The following SLC15A4 variants were observed in gnomAD, a reference collection of about 807,000 sequenced individuals.
The protein encoded by SLC15A4 is hPHT1.
In SLC15A4, 26 loss-of-function variants were observed where a neutral mutation model predicts 46.1. The observed-to-expected ratio is 0.56, with a 90% confidence interval of 0.41 to 0.78. SLC15A4 has a LOEUF of 0.78. Ranked by LOEUF, SLC15A4 falls within the 30% of genes least tolerant of loss-of-function variation. The pLI, the probability that SLC15A4 is intolerant of heterozygous loss-of-function variation, is 0.00. For synonymous variants in SLC15A4, 370 were observed against 333.4 expected, an observed-to-expected ratio of 1.11 and a Z score of -1.20; for missense variants, 751 against 755.7, an observed-to-expected ratio of 0.99 and a Z score of 0.07.
At position 128,823,580 on chromosome 12, in the gene SLC15A4, G is replaced by A. The variant is rs1335096302; in HGVS notation, c.364C>T (p.Leu122=). ...GCTCGCGTGGCGGGCGCGGCCAGCA[G>A]CGGGAAGGCCAGCATGCCCAGCAGG... ...LYLLGMLAFP[L]LAAPATRAAL... is the part of the protein sequence containing the mutation. Residue 122 remains leucine, a synonymous_variant, in exon 1 of 8, where the codon CTG becomes TTG. Transcript: ENST00000266771. 1.5e-5 allele frequency: 21 copies of A among 1,446,294 alleles called. No individual in the cohort carries two copies. The highest frequency in any genetic ancestry group is 1.9e-5 in the Non-Finnish European group (21 of 1,107,222). 89.6% of individuals were successfully genotyped at this position (1,446,294 alleles called of 1,614,324 possible). A position where few individuals can be genotyped will look rare whatever the true frequency, so the allele number is the denominator to read the frequency against.
At position 128,793,933 on chromosome 12, in the gene SLC15A4, T is replaced by C; in HGVS notation, c.*263A>G. The C allele has an allele frequency of 3.0e-6, 1 of 332,206 alleles. No individual in the cohort carries two copies. Among genetic ancestry groups the C allele is most frequent in the South Asian group, 1.2e-4 (1 of 8,356 alleles). The allele number at this position is 332,206 out of a possible 1,614,324, so 20.6% of individuals were successfully genotyped here. A position where few individuals can be genotyped will look rare whatever the true frequency, so the allele number is the denominator to read the frequency against. ...TAAAAAAGGGAACCCAGCTAGAGGA[T>C]TCACAGAGACCTTGAATGACAAGCG... is the stretch of plus-strand genomic sequence containing the variant. On this transcript the variant is annotated 3_prime_UTR_variant, in exon 8 of 8. Coordinates refer to ENST00000266771, the MANE Select transcript of SLC15A4 (RefSeq NM_145648.4).
chr12:128,819,750 A>T (rs530478226), intron 1 of SLC15A4: 1 of 152,252 alleles, frequency 6.6e-6, no homozygotes, highest in Non-Finnish European at 1.5e-5. Context: ...GGAAGAAGGC[A>T]CATCTCCTTT....
At chr12:128,813,562 C>T (rs183839735) in intron 2 of SLC15A4, 1 of 152,346 alleles carries the variant, frequency 6.6e-6, no homozygotes, top group Admixed American at 6.5e-5. Context: ...TTCGCTACGG[C>T]TCCAAGAGCA....
At position 128,823,882 on chromosome 12, in the gene SLC15A4, G is replaced by C. The variant is rs1296097816; in HGVS notation, c.62C>G (p.Ala21Gly). 1 of 955,730 alleles carries C rather than the reference G, an allele frequency of 1.0e-6. No homozygotes were observed. The highest frequency in any genetic ancestry group is 1.8e-5 in the African/African-American group (1 of 55,970). 59.2% of individuals were successfully genotyped at this position (955,730 alleles called of 1,614,324 possible). A position where few individuals can be genotyped will look rare whatever the true frequency, so the allele number is the denominator to read the frequency against. The change falls in exon 1 of 8, where the codon GCG becomes GGG. Residue 21 changes from alanine (A) to glycine (G), a missense_variant. Ala to Gly is a moderately conservative substitution (Grantham distance 60). Transcript: ENST00000266771. ...RAPLLGARRA[A>G]AAAAAAGAFA... The stretch of plus-strand genomic sequence containing the variant: ...CGCCCCAGCCGCCGCCGCGGCCGCC[G>C]CCGCCCGCCGCGCGCCCAGCAGCGG...
chr12:128,815,473 G>T lies in SLC15A4; in HGVS notation c.547-403C>A, dbSNP rs1955738735. 3.4e-5 allele frequency: 6 copies of T among 178,930 alleles called. No homozygotes were observed. The South Asian group carries it at 6.3e-4, about 19-fold the overall frequency. The allele number at this position is 178,930 out of a possible 1,614,324, so 11.1% of individuals were successfully genotyped here. A position where few individuals can be genotyped will look rare whatever the true frequency, so the allele number is the denominator to read the frequency against. On this transcript the variant is annotated intron_variant, in intron 1 of 7. Coordinates refer to ENST00000266771, the MANE Select transcript of SLC15A4 (RefSeq NM_145648.4). ...GGCTGAGGCGTGTGGATCACTTGAGGTATGGAGTTCGAGACCAGCCTGGCC... is the reference window on the plus strand; with the variant it reads ...GGCTGAGGCGTGTGGATCACTTGAGTTATGGAGTTCGAGACCAGCCTGGCC...
chr12:128,802,253 T>C (rs1405550423), intron 5 of SLC15A4, among the ~76,000 whole-genome samples: 1 of 152,118 alleles, frequency 6.6e-6, no homozygotes, highest in East Asian at 1.9e-4. Flanking sequence ...GTAGTGACAA[T>C]AGGGACTGTC....
At chr12:128,823,089 C>G (rs1955872817) in intron 1 of SLC15A4, among the ~76,000 whole-genome samples, 1 of 152,198 alleles carries the variant, frequency 6.6e-6, no homozygotes, top group Non-Finnish European at 1.5e-5. Flanking sequence ...CCTCCCGCCT[C>G]GGCCTCCCAA....
At chr12:128,803,554 C>T (rs1378501225) in intron 5 of SLC15A4, among the ~76,000 whole-genome samples, 1 of 152,196 alleles carries the variant, frequency 6.6e-6, no homozygotes, top group Non-Finnish European at 1.5e-5. Flanking sequence ...GCCACATGCG[C>T]TACCTTCCAA....
chr12:128,801,164 C>T (rs1955514750), intron 5 of SLC15A4, 155 bp from the exon 6 acceptor site: 1 of 669,684 alleles, frequency 1.5e-6, no homozygotes, highest in Non-Finnish European at 2.4e-6. Flanking sequence ...CTAATAGGCC[C>T]CCAGCCTTCA....
chr12:128,817,937 A>G (rs1252460667), intron 1 of SLC15A4, among the ~76,000 whole-genome samples: 6 of 152,120 alleles, frequency 3.9e-5, no homozygotes, highest in Non-Finnish European at 8.8e-5. Flanking sequence ...AAGGGTAAAC[A>G]AGGTTTTCAC....
chr12:128,794,186 C>T lies in SLC15A4; in HGVS notation c.*10G>A. 3 of 1,606,008 alleles carry T rather than the reference C, an allele frequency of 1.9e-6. No homozygotes were observed. The highest frequency in any genetic ancestry group is 1.3e-5 in the African/African-American group (1 of 74,670). On this transcript the variant is annotated 3_prime_UTR_variant, in exon 8 of 8. Transcript: ENST00000266771. ...GTCAGCCTCAGAAACCGCACATGGC[C>T]TCAGGAAGGTCAGGCCCTCCTGCTG...
intron 5 of SLC15A4, among the ~76,000 whole-genome samples, chr12:128,801,859 G>C (rs1345452365): frequency 1.3e-5 from 2 of 152,120 alleles, no homozygotes; most frequent in Non-Finnish European, 2.9e-5. Flanking sequence ...TATGAAGAAA[G>C]GTCTGGTCAG....
Position 128,809,979 on chromosome 12 carries a change from GA to G in SLC15A4, c.974del (p.Phe325SerfsTer4). 1 of 1,614,134 alleles carries G rather than the reference GA, an allele frequency of 6.2e-7. No individual in the cohort carries two copies. Among genetic ancestry groups the G allele is most frequent in the Non-Finnish European group, 8.5e-7 (1 of 1,180,030 alleles). ...CTGTCCAGTAAGGTATCAAAGCCAA[GA>G]AAACAGGGACAATCTTGACCAGAGC... is the stretch of plus-strand genomic sequence containing the variant. Reference protein sequence around the residue: ...VKALVKIVPVFLALIPYWTVY... With the variant: ...VKALVKIVPVXLALIPYWTVY... On this transcript the variant is annotated frameshift_variant, in exon 3 of 8. Coordinates refer to ENST00000266771, the MANE Select transcript of SLC15A4 (RefSeq NM_145648.4). LOFTEE classifies it high-confidence loss of function.
chr12:128,802,231 C>T (rs1955526358), intron 5 of SLC15A4, among the ~76,000 whole-genome samples: 1 of 152,198 alleles, frequency 6.6e-6, no homozygotes, highest in Non-Finnish European at 1.5e-5. Context: ...GCATCTTAAT[C>T]AGGCAAGGCT....
chr12:128,802,981 C>T (rs1435696068), intron 5 of SLC15A4, among the ~76,000 whole-genome samples: 1 of 152,146 alleles, frequency 6.6e-6, no homozygotes, highest in Non-Finnish European at 1.5e-5. Context: ...ATGACCCTGC[C>T]TGTGAACAAC....
In SLC15A4 at chr12:128,793,391, T is replaced by C. The variant is rs575610977; in HGVS notation, c.*805A>G. On this transcript the variant is annotated 3_prime_UTR_variant, in exon 8 of 8. Transcript: ENST00000266771. Reference sequence around the variant, plus strand: ...ATTACACTATTTCTGTTCAAAAGAATGTTTTCCTTACATACAACCATGATC... The same window carrying C: ...ATTACACTATTTCTGTTCAAAAGAACGTTTTCCTTACATACAACCATGATC... 4 of 152,334 alleles carry C rather than the reference T, an allele frequency of 2.6e-5. No homozygotes were observed. Among genetic ancestry groups the C allele is most frequent in the African/African-American group, 9.6e-5 (4 of 41,580 alleles). The allele number at this position is 152,334 out of a possible 1,614,324, so 9.4% of individuals were successfully genotyped here.
In SLC15A4 at chr12:128,810,031, G is replaced by A. The variant is rs1459586980; in HGVS notation, c.923C>T (p.Thr308Ile). The change falls in exon 3 of 8, where the codon ACA becomes ATA. Residue 308 changes from threonine (T) to isoleucine (I), a missense_variant. Physicochemically the swap from Thr to Ile is moderately conservative, Grantham distance 89. Coordinates refer to ENST00000266771, the MANE Select transcript of SLC15A4 (RefSeq NM_145648.4). The stretch of plus-strand genomic sequence containing the variant: ...TTTCACATCTTCCACTTTCTCTTCT[G>A]TAAATGGCCCACCATGAGACATCTT... ...SCKMSHGGPF[T>I]EEKVEDVKAL... 1 of 1,614,164 alleles carries A rather than the reference G, an allele frequency of 6.2e-7. No homozygotes were observed. Among genetic ancestry groups the A allele is most frequent in the Admixed American group, 1.7e-5 (1 of 60,016 alleles).
rs909440356 is a variant in SLC15A4 at position 128,823,860 on chromosome 12, C to T, written c.84G>A (p.Gly28=). ...RRAAAAAAAA[G]AFAGRRAACG... ...ACGCCGCGCGCCGGCCCGCGAACGC[C>T]CCAGCCGCCGCCGCGGCCGCCGCCG... Residue 28 remains glycine (G), a synonymous_variant, in exon 1 of 8, where the codon GGG becomes GGA. Coordinates refer to ENST00000266771, the MANE Select transcript of SLC15A4 (RefSeq NM_145648.4). The T allele has an allele frequency of 5.6e-5, 63 of 1,120,100 alleles. No individual in the cohort carries two copies. The Middle Eastern group carries it at 2.5e-3, about 45-fold the overall frequency. The allele number at this position is 1,120,100 out of a possible 1,614,324, so 69.4% of individuals were successfully genotyped here.
chr12:128,809,615 G>T, intron 3 of SLC15A4, 142 bp from the exon 4 acceptor site: 1 of 612,960 alleles, frequency 1.6e-6, no homozygotes, highest in Non-Finnish European at 2.9e-6. Flanking sequence ...TTTGAAAACA[G>T]ACAGGTCAAT....
Sources: gnomAD v4.1 joint callset for allele counts (sites outside exome capture counted in the v4.1 genomes callset) on GRCh38, gnomAD v4.1.1 for gene constraint, MANE v1.5 for transcripts, NCBI Gene and HGNC (gene_info 2026-07-23, HGNC 2026-07-21) for gene names.